The following CDC20B variants were observed in gnomAD, a reference collection of about 807,000 sequenced individuals.
CDC20B encodes cell division cycle 20B, also known as cell division cycle protein 20 homolog B.
A neutral mutation model predicts 64.1 loss-of-function variants in CDC20B; 58 were observed. The ratio of observed to expected loss-of-function variants is 0.90; its 90% CI spans 0.73 to 1.13. The LOEUF (loss-of-function observed/expected upper bound fraction) is 1.13, where lower values mean the gene tolerates loss of function less well. CDC20B is among the 50% of genes most tolerant of loss of function. The pLI is 0.00. For synonymous variants in CDC20B, 243 were observed against 230.6 expected, an observed-to-expected ratio of 1.05 and a Z score of -0.49; for missense variants, 597 against 633.0, an observed-to-expected ratio of 0.94 and a Z score of 0.61.
In CDC20B at chr5:55,143,628, T is replaced by C. The variant is rs776135130; in HGVS notation, c.371A>G (p.Gln124Arg). ...ETLTLGSRKE[Q>R]LKTPSKGISE... is the part of the protein sequence containing the mutation. ...AATTCCTTTGCTGGGGGTCTTCAGTTGTTCTTTGCGGGATCCTACAAGAAA... is the reference window on the plus strand; with the variant it reads ...AATTCCTTTGCTGGGGGTCTTCAGTCGTTCTTTGCGGGATCCTACAAGAAA... The change falls in exon 4 of 12, where the codon CAA (glutamine) becomes CGA (arginine). Residue 124 changes from glutamine to arginine, a missense_variant. Gln to Arg is a conservative substitution (Grantham distance 43). Around this residue, in one of 3 missense-constraint regions of CDC20B, gnomAD observed 241 missense variants for 219.2 expected, o/e 1.10. Coordinates refer to ENST00000381375, the MANE Select transcript of CDC20B (RefSeq NM_001170402.1). 6.3e-7 allele frequency: 1 copy of C among 1,595,960 alleles called. No homozygotes were observed. The highest frequency in any genetic ancestry group is 8.5e-7 in the Non-Finnish European group (1 of 1,173,410).
intron 2 of CDC20B, chr5:55,160,447 T>C: frequency 6.9e-7 from 1 of 1,441,418 alleles, no homozygotes; most frequent in Non-Finnish European, 9.7e-7. Context: ...TTGTCTCTGT[T>C]TATTCCTCTT....
intron 2 of CDC20B, among the ~76,000 whole-genome samples, chr5:55,150,423 C>T (rs1743629779): frequency 6.6e-6 from 1 of 152,222 alleles, no homozygotes; most frequent in African/African-American, 2.4e-5. Flanking sequence ...TGCTGGCCCA[C>T]CCTGCCTGCA....
intron 8 of CDC20B, chr5:55,126,278 A>AGGAGG (rs370579564): frequency 0.16 from 25,320 of 155,470 alleles, 2,446 homozygotes; most frequent in South Asian, 0.29. Flanking sequence ...AGGCAGGTGG[A>AGGAGG]TCACAAGGTC....
chr5:55,168,590 C>T (rs1199713611), intron 2 of CDC20B, among the ~76,000 whole-genome samples: 1 of 152,020 alleles, frequency 6.6e-6, no homozygotes, highest in Non-Finnish European at 1.5e-5. Context: ...CTTTTCTCAT[C>T]ATCTCGATAA....
chr5:55,139,084 A>G (rs951755214), intron 5 of CDC20B, among the ~76,000 whole-genome samples: 11 of 151,978 alleles, frequency 7.2e-5, no homozygotes, highest in Non-Finnish European at 1.3e-4. Context: ...AAGCTTTATC[A>G]TCATGAAATC....
chr5:55,154,030 G>A (rs1743744997), intron 2 of CDC20B, among the ~76,000 whole-genome samples: 1 of 152,180 alleles, frequency 6.6e-6, no homozygotes, highest in African/African-American at 2.4e-5. Flanking sequence ...GCACCGCTCA[G>A]AACACATCTG....
intron 2 of CDC20B, among the ~76,000 whole-genome samples, chr5:55,167,818 G>A (rs868436247): frequency 1.3e-5 from 2 of 152,052 alleles, no homozygotes; most frequent in South Asian, 4.2e-4. Flanking sequence ...GAGCCGACAT[G>A]GCTCCACTGA....
At chr5:55,125,775 A>G (rs182044182) in intron 8 of CDC20B, among the ~76,000 whole-genome samples, 7 of 152,370 alleles carry the variant, frequency 4.6e-5, no homozygotes, top group African/African-American at 1.7e-4. Flanking sequence ...GCATTGTTTA[A>G]AACTATGCAA....
chr5:55,137,818 T>A (rs1254504460), intron 5 of CDC20B, among the ~76,000 whole-genome samples: 1 of 152,186 alleles, frequency 6.6e-6, no homozygotes, highest in Non-Finnish European at 1.5e-5. Context: ...CCAATAATTT[T>A]CTAGACAGTG....
At chr5:55,148,978 C>A (rs953485334) in intron 2 of CDC20B, among the ~76,000 whole-genome samples, 1 of 152,186 alleles carries the variant, frequency 6.6e-6, no homozygotes, top group African/African-American at 2.4e-5. Context: ...TCCAGGCTCT[C>A]AACTGAGAAC....
chr5:55,133,573 TATA>T (rs780920729), intron 5 of CDC20B, 45 bp from the exon 6 acceptor site: 1 of 799,920 alleles, frequency 1.3e-6, no homozygotes, highest in Non-Finnish European at 1.9e-6. Flanking sequence ...ATCCTGAAAA[TATA>T]ATATTTATTC....
chr5:55,154,425 G>A (rs1743756026), intron 2 of CDC20B, among the ~76,000 whole-genome samples: 1 of 152,144 alleles, frequency 6.6e-6, no homozygotes, highest in Non-Finnish European at 1.5e-5. Context: ...GCTAAGGTGG[G>A]AGGATTGCTT....
intron 5 of CDC20B, among the ~76,000 whole-genome samples, chr5:55,134,675 T>A (rs1474330776): frequency 6.6e-6 from 1 of 151,958 alleles, no homozygotes; most frequent in Admixed American, 6.6e-5. Context: ...GGTGGGAGGA[T>A]CACTTGAGCC....
chr5:55,134,500 T>C (rs1464357550), intron 5 of CDC20B, among the ~76,000 whole-genome samples: 2 of 152,148 alleles, frequency 1.3e-5, no homozygotes, highest in African/African-American at 4.8e-5. Context: ...CGGTGGCTCA[T>C]GCCTGTAATC....
chr5:55,129,461 A>AT, intron 6 of CDC20B, among the ~76,000 whole-genome samples: 1 of 152,086 alleles, frequency 6.6e-6, no homozygotes, highest in Non-Finnish European at 1.5e-5. Context: ...GCCAGCGAAG[A>AT]CTCTGACAAA....
rs778966002 is a variant in CDC20B, at chr5:55,114,245, C to T, written c.1533G>A (p.Gly511=). The change falls in exon 12 of 12, where the codon GGG becomes GGA. Residue 511 remains glycine (G), a synonymous_variant. Transcript: ENST00000381375. This position sits in a 1 kb window ranked among gnomAD's most constrained non-coding sequence, Gnocchi z 4.1. The part of the protein sequence containing the change: ...QTRVFSAAAD[G]TASVWNCY The stretch of plus-strand genomic sequence containing the variant: ...AGTAGCAATTCCATACAGAGGCCGT[C>T]CCATCAGCTGCAGCAGAAAACACCC... 6.2e-7 allele frequency: 1 copy of T among 1,613,838 alleles called. No homozygotes were observed. The highest frequency in any genetic ancestry group is 8.5e-7 in the Non-Finnish European group (1 of 1,179,822).
At chr5:55,139,859 T>A (rs1417834573) in intron 5 of CDC20B, among the ~76,000 whole-genome samples, 2 of 151,944 alleles carry the variant, frequency 1.3e-5, no homozygotes, top group African/African-American at 4.8e-5. Context: ...AACCCAACTC[T>A]ACTAAAAATA....
In CDC20B at chr5:55,146,735, C is replaced by A; in HGVS notation, c.248G>T (p.Arg83Met). Residue 83 changes from arginine to methionine, a missense_variant, in exon 3 of 12, where the codon AGG becomes ATG. Transcript: ENST00000381375. ...CCCAAAGGAATCAGAGGACAGAGCC[C>A]TAGTTTGACTTTGCTGCCACCTTGT... Reference protein sequence around the residue: ...ITTRWQQSQTRALSSDSFGEE... With the variant: ...ITTRWQQSQTMALSSDSFGEE... The A allele has an allele frequency of 6.2e-7, 1 of 1,614,086 alleles. No individual in the cohort carries two copies.
At position 55,114,175 on chromosome 5, in the gene CDC20B, T is replaced by G. The variant is rs1322951701; in HGVS notation, c.*43A>C. The G allele has an allele frequency of 1.9e-6, 3 of 1,590,364 alleles. No homozygotes were observed. The highest frequency in any genetic ancestry group is 2.3e-5 in the East Asian group (1 of 43,670). On this transcript the variant is annotated 3_prime_UTR_variant, in exon 12 of 12. Coordinates refer to ENST00000381375, the MANE Select transcript of CDC20B (RefSeq NM_001170402.1). This position sits in a 1 kb window ranked among gnomAD's most constrained non-coding sequence, Gnocchi z 4.1. ...AGAAGACATAGCCAACATCATCATCTTCACTCAGAAATAAGGAAACTGAAA... is the reference window on the plus strand; with the variant it reads ...AGAAGACATAGCCAACATCATCATCGTCACTCAGAAATAAGGAAACTGAAA...
Sources: gnomAD v4.1 joint callset for allele counts (sites outside exome capture counted in the v4.1 genomes callset) on GRCh38, gnomAD v4.1.1 for gene constraint, gnomAD v4.1.1 regional missense constraint, Gnocchi (gnomAD v3.1) non-coding constraint, MANE v1.5 for transcripts, NCBI Gene and HGNC (gene_info 2026-07-23, HGNC 2026-07-21) for gene names.